The following AP1S1 variants were observed in gnomAD, a reference collection of about 807,000 sequenced individuals.
AP1S1 encodes the protein AP-1 complex subunit sigma-1A.
Under a neutral mutation model 23.9 loss-of-function variants are expected in AP1S1, and 13 were observed. The ratio of observed to expected loss-of-function variants is 0.54; its 90% CI spans 0.35 to 0.86. The LOEUF (loss-of-function observed/expected upper bound fraction) is 0.86, where lower values mean the gene tolerates loss of function less well. Among genes scored for constraint, AP1S1 ranks in the 40% least tolerant of loss-of-function variants. The probability of loss-of-function intolerance (pLI) is 0.01; values close to 1 mark genes in which losing one functional copy is unlikely to be tolerated. For missense variants in AP1S1, 119 were observed against 197.6 expected (o/e 0.60, Z 2.38); for synonymous variants, 84 against 77.7 (o/e 1.08, Z -0.43).
chr7:101,160,464 C>T, intron 4 of AP1S1, 55 bp from the exon 5 acceptor site: 3 of 1,596,252 alleles, frequency 1.9e-6, no homozygotes, highest in South Asian at 2.2e-5. Flanking sequence ...GTCTTGCCCA[C>T]CCTGTCGGCC....
At position 101,161,144 on chromosome 7, in the gene AP1S1, G is replaced by T. The variant is rs1302531646; in HGVS notation, c.*578G>T. 2 of 274,774 alleles carry T rather than the reference G, an allele frequency of 7.3e-6. No homozygotes were observed. The highest frequency in any genetic ancestry group is 1.4e-5 in the Non-Finnish European group (2 of 141,104). The allele number at this position is 274,774 out of a possible 1,614,324, so 17.0% of individuals were successfully genotyped here. A position where few individuals can be genotyped will look rare whatever the true frequency, so the allele number is the denominator to read the frequency against. ...GGTTGGGGGAAGGGCAAGCTTTATG[G>T]GACCCTGGTCCTGGCCCTGGCCTTT... On this transcript the variant is annotated 3_prime_UTR_variant, in exon 5 of 5. Coordinates refer to ENST00000337619, the MANE Select transcript of AP1S1 (RefSeq NM_001283.5).
intron 3 of AP1S1, among the ~76,000 whole-genome samples, chr7:101,157,946 C>T (rs192605007): frequency 5.6e-4 from 86 of 152,224 alleles, no homozygotes; most frequent in African/African-American, 1.8e-3. Flanking sequence ...CCACTATGCC[C>T]AGCTAATTTT....
At chr7:101,155,340 A>G (rs1796976630) in intron 1 of AP1S1, among the ~76,000 whole-genome samples, 1 of 151,982 alleles carries the variant, frequency 6.6e-6, no homozygotes, top group Admixed American at 6.6e-5. Flanking sequence ...TAAGGAGAAG[A>G]CTCCAGGATG....
rs973805264 is a variant in AP1S1, at chr7:101,160,599, C to T, written c.*33C>T. ...TGGGCCGGGGTGTGGCGATGGGGTC[C>T]TGGCAGCGTGGCGGGAACGGCTGCT... is the stretch of plus-strand genomic sequence containing the variant. On this transcript the variant is annotated 3_prime_UTR_variant, in exon 5 of 5. Transcript: ENST00000337619. 1.2e-5 allele frequency: 19 copies of T among 1,608,010 alleles called. No individual in the cohort carries two copies. The highest frequency in any genetic ancestry group is 2.7e-5 in the African/African-American group (2 of 74,966).
intron 4 of AP1S1, among the ~76,000 whole-genome samples, chr7:101,160,234 C>T (rs1334394765): frequency 2.0e-5 from 3 of 151,926 alleles, no homozygotes; most frequent in Non-Finnish European, 4.4e-5. Flanking sequence ...GGTGTCAAGG[C>T]GGGGCCCCTG....
At chr7:101,154,971 C>T (rs920079100) in intron 1 of AP1S1, 42 of 1,015,868 alleles carry the variant, frequency 4.1e-5, no homozygotes, top group African/African-American at 3.6e-4. Context: ...GTTTCCGGGT[C>T]GGAAAAGGGA....
intron 3 of AP1S1, among the ~76,000 whole-genome samples, 154 bp from the exon 4 acceptor site, chr7:101,158,905 T>G (rs1797038535): frequency 1.3e-5 from 2 of 152,072 alleles, no homozygotes; most frequent in African/African-American, 2.4e-5. Flanking sequence ...ACCCTGTCTC[T>G]AACAAAATAA....
At chr7:101,159,335 C>A (rs1006821777) in intron 4 of AP1S1, 139 bp downstream of exon 4, 3 of 1,256,822 alleles carry the variant, frequency 2.4e-6, no homozygotes, top group Non-Finnish European at 3.3e-6. Context: ...CCCACCACGC[C>A]CAGCTCTCCA....
rs1311980714 is a variant in AP1S1 at position 101,156,605 on chromosome 7, G to A, written c.15G>A (p.Met5Ile). Residue 5 changes from methionine to isoleucine, a missense_variant, in exon 2 of 5, where the codon ATG (methionine) becomes ATA (isoleucine). Transcript: ENST00000337619. MMRF[M>I]LLFSRQGKLR... is the part of the protein sequence containing the mutation. ...CCCATCCCCCACAGATGCGGTTCAT[G>A]CTATTATTCAGCCGGCAGGGAAAAC... 1 of 1,611,954 alleles carries A rather than the reference G, an allele frequency of 6.2e-7. No individual in the cohort carries two copies. Among genetic ancestry groups the A allele is most frequent in the Non-Finnish European group, 8.5e-7 (1 of 1,179,120 alleles).
intron 3 of AP1S1, 89 bp from the exon 4 acceptor site, chr7:101,158,970 C>T (rs1797039737): frequency 1.3e-6 from 2 of 1,528,384 alleles, no homozygotes; most frequent in African/African-American, 2.8e-5. Context: ...AGGTTGGGGG[C>T]AGAACCCAAG....
In AP1S1 at chr7:101,160,926, C is replaced by A. The variant is rs1393150639; in HGVS notation, c.*360C>A. On this transcript the variant is annotated 3_prime_UTR_variant, in exon 5 of 5. Coordinates refer to ENST00000337619, the MANE Select transcript of AP1S1 (RefSeq NM_001283.5). ...TGTCAGGTTAAAGGGAAAAGGTGTT[C>A]AGGGCACTTCTTGTCCTCTCTGTCC... 1.4e-5 allele frequency: 6 copies of A among 426,210 alleles called. No homozygotes were observed. Among genetic ancestry groups the A allele is most frequent in the Non-Finnish European group, 2.3e-5 (5 of 217,370 alleles). 26.4% of individuals were successfully genotyped at this position (426,210 alleles called of 1,614,324 possible).
At chr7:101,155,407 T>G (rs1796977544) in intron 1 of AP1S1, among the ~76,000 whole-genome samples, 1 of 152,138 alleles carries the variant, frequency 6.6e-6, no homozygotes, top group African/African-American at 2.4e-5. Flanking sequence ...GAGGGTTCTG[T>G]CTTCCATCCC....
Position 101,161,089 on chromosome 7 carries a change from T to C in AP1S1, c.*523T>C. 1 of 297,910 alleles carries C rather than the reference T, an allele frequency of 3.4e-6. No homozygotes were observed. The highest frequency in any genetic ancestry group is 6.5e-6 in the Non-Finnish European group (1 of 153,486). The allele number at this position is 297,910 out of a possible 1,614,324, so 18.5% of individuals were successfully genotyped here. On this transcript the variant is annotated 3_prime_UTR_variant, in exon 5 of 5. Transcript: ENST00000337619. ...GGGAGGAACAACATAGTTAATTTTT[T>C]TCTAACCTTGCCACTTTGAGGGAAG...
intron 2 of AP1S1, 98 bp downstream of exon 2, chr7:101,156,870 G>T (rs1042209663): frequency 8.2e-6 from 9 of 1,103,528 alleles, no homozygotes; most frequent in African/African-American, 1.6e-5. Context: ...GGAGACCTGG[G>T]AGCTGAGGAC....
At chr7:101,158,517 G>A (rs569148046) in intron 3 of AP1S1, among the ~76,000 whole-genome samples, 3 of 152,120 alleles carry the variant, frequency 2.0e-5, no homozygotes, top group Non-Finnish European at 4.4e-5. Flanking sequence ...CACAGATTTT[G>A]GGGGGAAGGC....
chr7:101,158,433 T>C (rs549054399), intron 3 of AP1S1, among the ~76,000 whole-genome samples: 12 of 152,140 alleles, frequency 7.9e-5, no homozygotes, highest in African/African-American at 2.7e-4. Flanking sequence ...CACCCCATGG[T>C]CCAGAATTCC....
At chr7:101,158,143 T>C (rs1480069332) in intron 3 of AP1S1, among the ~76,000 whole-genome samples, 1 of 152,176 alleles carries the variant, frequency 6.6e-6, no homozygotes, top group Non-Finnish European at 1.5e-5. Context: ...ATTGGAGTTT[T>C]CTGGAGAATT....
At chr7:101,160,261 C>T (rs555191261) in intron 4 of AP1S1, among the ~76,000 whole-genome samples, 81 of 152,158 alleles carry the variant, frequency 5.3e-4, no homozygotes, top group African/African-American at 1.8e-3. Flanking sequence ...AAGGTCCTGG[C>T]TTTGGGTTCT....
At chr7:101,159,964 G>GCACA (rs141729983) in intron 4 of AP1S1, among the ~76,000 whole-genome samples, 4 of 142,870 alleles carry the variant, frequency 2.8e-5, no homozygotes, top group Non-Finnish European at 3.0e-5. Flanking sequence ...TCCCACACAC[G>GCACA]CACACACACA....
Sources: gnomAD v4.1 joint callset for allele counts (sites outside exome capture counted in the v4.1 genomes callset) on GRCh38, gnomAD v4.1.1 for gene constraint, MANE v1.5 for transcripts, NCBI Gene and HGNC (gene_info 2026-07-23, HGNC 2026-07-21) for gene names.